Variants in SV2C observed in about 807,000 individuals in gnomAD.
SV2C encodes the protein synaptic vesicle glycoprotein 2C, also known as solute carrier family 22 member B3.
Under a neutral mutation model 79.7 loss-of-function variants are expected in SV2C, and 49 were observed. That is an observed-to-expected ratio of 0.61 (90% CI 0.49 to 0.78). SV2C has a LOEUF of 0.78. Among genes scored for constraint, SV2C ranks in the 30% least tolerant of loss-of-function variants. SV2C has a pLI of 0.00. For missense variants in SV2C, 833 were observed against 912.9 expected (o/e 0.91, Z 1.13); for synonymous variants, 334 against 333.2 (o/e 1.00, Z -0.03).
intron 2 of SV2C, among the ~76,000 whole-genome samples, chr5:76,146,811 A>C: frequency 6.7e-6 from 1 of 150,048 alleles, no homozygotes; most frequent in African/African-American, 2.4e-5. Context: ...AAAAAAAAAA[A>C]AAAAAAAAAG....
At chr5:75,861,280 T>G in the SV2C span, among the ~76,000 whole-genome samples, 2 of 152,060 alleles carry the variant, frequency 1.3e-5, no homozygotes, top group African/African-American at 4.8e-5. Context: ...ATATACTATA[T>G]CCCACCAATC....
chr5:75,923,992 G>T, the SV2C span, among the ~76,000 whole-genome samples: 21 of 152,318 alleles, frequency 1.4e-4, no homozygotes, highest in African/African-American at 4.8e-4. Context: ...CAATTGCAAA[G>T]ATATGGAACC....
rs1561284954 is a variant in SV2C, at chr5:76,254,172, GTATATATATGTGTGTGTGTATA to G, written c.914-30982_914-30961del. Among the ~76,000 whole-genome samples the G allele has an allele frequency of 4.2e-5, 5 of 119,282 alleles. No homozygotes were observed. In the East Asian group the frequency reaches 1.2e-3, roughly 28 times the overall value. 78.3% of individuals were successfully genotyped at this position (119,282 alleles called of 152,430 possible). On this transcript the variant is annotated intron_variant, in intron 4 of 12. Coordinates refer to ENST00000502798, the MANE Select transcript of SV2C (RefSeq NM_014979.4). ...TATATATATATATATGTGTGTGTGT[GTATATATATGTGTGTGTGTATA>G]TATATATGTGTGTATATATATGTGT...
chr5:76,132,179 A>C lies in SV2C; in HGVS notation c.429A>C (p.Gln143His), dbSNP rs1486697370. The C allele has an allele frequency of 1.2e-6, 2 of 1,614,064 alleles. No homozygotes were observed. The highest frequency in any genetic ancestry group is 1.7e-5 in the Admixed American group (1 of 60,000). ...CCCAGCAGTATGAGCTGATAATCCA[A>C]GAATGCGGTCATGGTCGTTTTCAGT... is the stretch of plus-strand genomic sequence containing the variant. ...ELAQQYELII[Q>H]ECGHGRFQWA... The change falls in exon 2 of 13, where the codon CAA becomes CAC. Residue 143 changes from glutamine to histidine, a missense_variant. Coordinates refer to ENST00000502798, the MANE Select transcript of SV2C (RefSeq NM_014979.4).
chr5:76,051,301 T>C, the SV2C span, among the ~76,000 whole-genome samples: 1 of 152,176 alleles, frequency 6.6e-6, no homozygotes, highest in Admixed American at 6.5e-5. Context: ...CTCAGAGGTG[T>C]TGAAGATGGA....
At chr5:76,294,372 G>A (rs1254118506) in intron 8 of SV2C, among the ~76,000 whole-genome samples, 1 of 147,872 alleles carries the variant, frequency 6.8e-6, no homozygotes, top group East Asian at 2.0e-4. Context: ...CACGATATCG[G>A]CTCGCTGCAA....
At chr5:75,879,434 G>T in the SV2C span, among the ~76,000 whole-genome samples, 1 of 152,206 alleles carries the variant, frequency 6.6e-6, no homozygotes, top group East Asian at 1.9e-4. Flanking sequence ...AAAAGAGAAA[G>T]AGTGGCCAAA....
the SV2C span, among the ~76,000 whole-genome samples, chr5:76,069,937 A>G: frequency 6.6e-6 from 1 of 152,122 alleles, no homozygotes; most frequent in Non-Finnish European, 1.5e-5. Flanking sequence ...TCCTACACTG[A>G]TAACAGGACA....
At chr5:76,016,649 G>A in the SV2C span, among the ~76,000 whole-genome samples, 1 of 152,154 alleles carries the variant, frequency 6.6e-6, no homozygotes, top group African/African-American at 2.4e-5. Context: ...TTTGTGTGAT[G>A]ATGTAATGAG....
chr5:76,306,223 A>AT (rs199934084), intron 12 of SV2C, among the ~76,000 whole-genome samples: 98 of 151,310 alleles, frequency 6.5e-4, no homozygotes, highest in African/African-American at 2.1e-3. Context: ...AATTTATTTT[A>AT]TTTTTTTTTA....
the SV2C span, among the ~76,000 whole-genome samples, chr5:76,037,033 G>C: frequency 6.6e-6 from 1 of 151,894 alleles, no homozygotes; most frequent in South Asian, 2.1e-4. Flanking sequence ...CCAGTTGATC[G>C]CATCAGCTCC....
rs36124813 is a variant in SV2C, at chr5:76,288,083, C to CAA, written c.1137+2231_1137+2232dup. Among the ~76,000 whole-genome samples, 197 of 82,540 alleles carry CAA rather than the reference C, an allele frequency of 2.4e-3. 3 individuals carry two copies. Among genetic ancestry groups the CAA allele is most frequent in the African/African-American group, 7.2e-3 (169 of 23,548 alleles). 54.1% of individuals were successfully genotyped at this position (82,540 alleles called of 152,430 possible). A position where few individuals can be genotyped will look rare whatever the true frequency, so the allele number is the denominator to read the frequency against. On this transcript the variant is annotated intron_variant, in intron 6 of 12. Coordinates refer to ENST00000502798, the MANE Select transcript of SV2C (RefSeq NM_014979.4). Reference sequence around the variant, plus strand: ...CTGGCAACAGAGCACGACTCCATCTCAAAAAAAAAAAAAAAAAAATAGACT... The same window carrying CAA: ...CTGGCAACAGAGCACGACTCCATCTCAAAAAAAAAAAAAAAAAAAAATAGACT...
chr5:75,890,734 T>C, the SV2C span, among the ~76,000 whole-genome samples: 1 of 152,098 alleles, frequency 6.6e-6, no homozygotes, highest in Admixed American at 6.6e-5. Context: ...GCTAGAATGC[T>C]ACAGTTAGTC....
chr5:76,061,257 C>T, the SV2C span, among the ~76,000 whole-genome samples: 1 of 118,930 alleles, frequency 8.4e-6, no homozygotes, highest in Non-Finnish European at 1.6e-5. Context: ...TTGCCACAAA[C>T]CTTCAATTTG....
the SV2C span, among the ~76,000 whole-genome samples, chr5:76,018,710 A>C: frequency 6.6e-6 from 1 of 152,226 alleles, no homozygotes; most frequent in Non-Finnish European, 1.5e-5. Flanking sequence ...GGAAAAGGCC[A>C]GAAGGAAGAG....
rs180679324 is a variant in SV2C at position 76,158,328 on chromosome 5, A to T, written c.580+25998A>T. Among the ~76,000 whole-genome samples, 50 of 152,018 alleles carry T rather than the reference A, an allele frequency of 3.3e-4. No individual in the cohort carries two copies. The South Asian group carries it at 3.3e-3, about 10-fold the overall frequency. On this transcript the variant is annotated intron_variant, in intron 2 of 12. Transcript: ENST00000502798. Reference sequence around the variant, plus strand: ...CCACACTTTATATTCAAAGATACAAATAGACTGAAAGTAAAAGGAAAGGAA... The same window carrying T: ...CCACACTTTATATTCAAAGATACAATTAGACTGAAAGTAAAAGGAAAGGAA...
intron 1 of SV2C, among the ~76,000 whole-genome samples, chr5:76,091,046 A>C (rs536645775): frequency 5.3e-5 from 8 of 152,322 alleles, no homozygotes; most frequent in African/African-American, 1.9e-4. Context: ...TGTGCTTCAT[A>C]TCTAAGAAGT....
At chr5:75,941,433 A>G in the SV2C span, among the ~76,000 whole-genome samples, 14 of 152,202 alleles carry the variant, frequency 9.2e-5, no homozygotes, top group South Asian at 4.1e-4. Flanking sequence ...TATTCAACAT[A>G]TGCTTGTTAT....
intron 12 of SV2C, among the ~76,000 whole-genome samples, chr5:76,351,423 G>A (rs1389341335): frequency 1.3e-5 from 2 of 151,972 alleles, no homozygotes; most frequent in African/African-American, 4.8e-5. Flanking sequence ...ACGCCAGCCT[G>A]GATGACAGAG....
Sources: gnomAD v4.1 joint callset for allele counts (sites outside exome capture counted in the v4.1 genomes callset) on GRCh38, gnomAD v4.1.1 for gene constraint, MANE v1.5 for transcripts, NCBI Gene and HGNC (gene_info 2026-07-23, HGNC 2026-07-21) for gene names.